The following ZBTB20 variants were observed in gnomAD, a reference collection of about 807,000 sequenced individuals.
ZBTB20 encodes zinc finger and BTB domain containing 20.
ZBTB20 carries 9 observed loss-of-function variants against 56.9 expected under a neutral mutation model. The observed-to-expected ratio is 0.16, with a 90% CI of 0.10 to 0.28. The LOEUF (loss-of-function observed/expected upper bound fraction) is 0.28. Ranked by LOEUF, ZBTB20 falls within the 10% of genes least tolerant of loss-of-function variation. ZBTB20 has a pLI of 1.00. For synonymous variants in ZBTB20, 417 were observed against 420.7 expected (o/e 0.99, Z 0.11); for missense variants, 655 against 1,003.0 (o/e 0.65, Z 4.69).
chr3:114,624,741 G>A (rs1033275529), intron 6 of ZBTB20: 1 of 153,128 alleles, frequency 6.5e-6, no homozygotes, highest in African/African-American at 2.4e-5. Flanking sequence ...GTGGAGAAGA[G>A]GAAGAAGAGA....
Position 114,351,658 on chromosome 3 carries a change from G to A in ZBTB20, c.420C>T (p.Ile140=). The change falls in exon 11 of 12, where the codon ATC becomes ATT. Residue 140 remains isoleucine (I), a synonymous_variant. Transcript: ENST00000675478. ...QDKLLLGYSD[I]EIPSVVSVQS... Reference sequence around the variant, plus strand: ...GCACTGACACCACCGACGGGATCTCGATGTCGCTGTAGCCAAGCAGCAGTT... The same window carrying A: ...GCACTGACACCACCGACGGGATCTCAATGTCGCTGTAGCCAAGCAGCAGTT... The A allele has an allele frequency of 6.2e-7, 1 of 1,614,128 alleles. No homozygotes were observed. The highest frequency in any genetic ancestry group is 8.5e-7 in the Non-Finnish European group (1 of 1,180,040).
intron 6 of ZBTB20, among the ~76,000 whole-genome samples, chr3:114,555,587 G>C (rs2051113460): frequency 1.3e-5 from 2 of 152,040 alleles, no homozygotes; most frequent in South Asian, 2.1e-4. Flanking sequence ...TGATCTAATG[G>C]AAAATGTAAT....
At chr3:114,504,383 G>A (rs1414211949) in intron 6 of ZBTB20, among the ~76,000 whole-genome samples, 1 of 152,128 alleles carries the variant, frequency 6.6e-6, no homozygotes, top group Non-Finnish European at 1.5e-5. Context: ...CCAGGAATGT[G>A]AGCAGTGTAA....
chr3:114,669,010 T>G lies in ZBTB20; in HGVS notation c.-295+24518A>C, dbSNP rs558485483. Among the ~76,000 whole-genome samples the G allele has an allele frequency of 1.2e-4, 18 of 152,204 alleles. No individual in the cohort carries two copies. In the East Asian group the frequency reaches 1.4e-3, roughly 11 times the overall value. On this transcript the variant is annotated intron_variant, in intron 6 of 11. Coordinates refer to ENST00000675478, the MANE Select transcript of ZBTB20 (RefSeq NM_001348800.3). ...GTGAACAACAACAACAAAACTGTAG[T>G]TGTGGTTCACTCCAGTAATATATAC...
intron 3 of ZBTB20, among the ~76,000 whole-genome samples, chr3:114,905,139 G>A (rs2075274505): frequency 6.6e-6 from 1 of 151,786 alleles, no homozygotes; most frequent in African/African-American, 2.4e-5. Flanking sequence ...GCATATTCTA[G>A]AGAAAATAGC....
intron 4 of ZBTB20, among the ~76,000 whole-genome samples, chr3:114,897,845 A>T (rs1170607992): frequency 1.3e-5 from 2 of 152,138 alleles, no homozygotes; most frequent in Admixed American, 1.3e-4. Flanking sequence ...AAGCCTAAAC[A>T]AAAGGTTTTA....
chr3:114,541,074 T>C (rs1057365356), intron 6 of ZBTB20, among the ~76,000 whole-genome samples: 1 of 152,132 alleles, frequency 6.6e-6, no homozygotes, highest in East Asian at 1.9e-4. Context: ...TTAGCAGATT[T>C]AATATTAATC....
In ZBTB20 at chr3:114,314,845, T is replaced by C. The variant is rs891115165; in HGVS notation, c.*24160A>G. 3 of 149,570 alleles carry C rather than the reference T, an allele frequency of 2.0e-5. No homozygotes were observed. Among genetic ancestry groups the C allele is most frequent in the African/African-American group, 4.9e-5 (2 of 41,054 alleles). 9.3% of individuals were successfully genotyped at this position (149,570 alleles called of 1,614,324 possible). A position where few individuals can be genotyped will look rare whatever the true frequency, so the allele number is the denominator to read the frequency against. On this transcript the variant is annotated 3_prime_UTR_variant, in exon 12 of 12. Transcript: ENST00000675478. ...CAGTTAATTTTTCTTTTTTTGAATG[T>C]TTTTTTTCCTGTTTAAATAACAAAT...
At chr3:115,031,722 T>C (rs1404162421) in intron 2 of ZBTB20, among the ~76,000 whole-genome samples, 1 of 151,522 alleles carries the variant, frequency 6.6e-6, no homozygotes, top group Admixed American at 6.6e-5. Context: ...CTAAGTGCTG[T>C]ATTAGAAGGA....
At chr3:114,522,794 C>T (rs554056411) in intron 6 of ZBTB20, among the ~76,000 whole-genome samples, 2 of 152,118 alleles carry the variant, frequency 1.3e-5, no homozygotes, top group African/African-American at 2.4e-5. Context: ...AAAGGTGGAG[C>T]GTTATTTACC....
At chr3:114,660,478 C>T (rs2060659500) in intron 6 of ZBTB20, among the ~76,000 whole-genome samples, 1 of 152,154 alleles carries the variant, frequency 6.6e-6, no homozygotes, top group Non-Finnish European at 1.5e-5. Flanking sequence ...TGGAATTTCC[C>T]ACCCTGGCCT....
chr3:115,077,930 C>T (rs990158467), intron 1 of ZBTB20, among the ~76,000 whole-genome samples: 2 of 152,154 alleles, frequency 1.3e-5, no homozygotes, highest in South Asian at 2.1e-4. Context: ...GAGCTTACCA[C>T]GGTATTTCTC....
chr3:114,426,337 CAAAAAAAAAAAAAAAAAAA>C (rs60778829), intron 7 of ZBTB20, among the ~76,000 whole-genome samples: 2 of 109,542 alleles, frequency 1.8e-5, no homozygotes, highest in Admixed American at 9.3e-5. Flanking sequence ...GACTCCATCT[CAAAAAAAAAAAAAAAAAAA>C]AAAAAAAAAA....
chr3:114,837,256 T>C (rs1327219215), intron 4 of ZBTB20, among the ~76,000 whole-genome samples: 1 of 152,230 alleles, frequency 6.6e-6, no homozygotes, highest in Non-Finnish European at 1.5e-5. Context: ...TTACATCCTG[T>C]ATGTATGTGA....
At chr3:114,364,002 G>C (rs2082140911) in intron 10 of ZBTB20, among the ~76,000 whole-genome samples, 2 of 151,956 alleles carry the variant, frequency 1.3e-5, no homozygotes, top group Non-Finnish European at 2.9e-5. Flanking sequence ...AACAGTACAT[G>C]GCCTTCAAAT....
intron 2 of ZBTB20, among the ~76,000 whole-genome samples, chr3:115,059,161 T>G (rs2081925102): frequency 6.6e-6 from 1 of 152,198 alleles, no homozygotes; most frequent in Non-Finnish European, 1.5e-5. Flanking sequence ...TTCTGAACGT[T>G]TTTTCATTGG....
chr3:114,748,908 A>G (rs1157420877), intron 5 of ZBTB20, among the ~76,000 whole-genome samples: 1 of 152,228 alleles, frequency 6.6e-6, no homozygotes, highest in African/African-American at 2.4e-5. Context: ...CCACTTTAAT[A>G]AAGCACTAAA....
chr3:114,961,307 G>A (rs1440374726), intron 3 of ZBTB20, among the ~76,000 whole-genome samples: 2 of 151,474 alleles, frequency 1.3e-5, no homozygotes, highest in African/African-American at 2.4e-5. Context: ...AAAAATAAAA[G>A]GCATCTGGTT....
chr3:114,933,215 T>G (rs2076419382), intron 3 of ZBTB20, among the ~76,000 whole-genome samples: 2 of 152,208 alleles, frequency 1.3e-5, no homozygotes. Context: ...TAACAAATCT[T>G]TGTTGTTTTA....
Sources: gnomAD v4.1 joint callset for allele counts (sites outside exome capture counted in the v4.1 genomes callset) on GRCh38, gnomAD v4.1.1 for gene constraint, MANE v1.5 for transcripts, NCBI Gene and HGNC (gene_info 2026-07-23, HGNC 2026-07-21) for gene names.